The following SNTG2 variants were observed in gnomAD, a reference collection of about 807,000 sequenced individuals.
SNTG2 encodes syntrophin gamma 2.
SNTG2 carries 74 observed loss-of-function variants against 70.9 expected under a neutral mutation model. The observed-to-expected ratio is 1.04, with a 90% CI of 0.86 to 1.27. The LOEUF is 1.27. Ranked by LOEUF, SNTG2 falls within the 50% of genes most tolerant of loss-of-function variation. SNTG2 has a pLI of 0.00. For missense variants in SNTG2, 717 were observed against 690.7 expected (o/e 1.04, Z -0.43); for synonymous variants, 278 against 273.8 (o/e 1.02, Z -0.15).
At chr2:1,177,324 G>A (rs1233374238) in intron 8 of SNTG2, among the ~76,000 whole-genome samples, 2 of 152,036 alleles carry the variant, frequency 1.3e-5, no homozygotes, top group Non-Finnish European at 2.9e-5. Context: ...CCCGGCAAGG[G>A]GTGGGGGCCA....
rs35747708 is a variant in SNTG2, at chr2:1,361,909, G to A, written c.1489-5434G>A. ...AGCATTTCAGTAGAACTTCCATGAA[G>A]GTCACCAACGCTGAGCATTTCAGTA... On this transcript the variant is annotated intron_variant, in intron 16 of 16. Transcript: ENST00000308624. 1.8e-3 allele frequency among the ~76,000 whole-genome samples: 31 copies of A among 17,182 alleles called. No homozygotes were observed. In the East Asian group the frequency reaches 0.028, roughly 15 times the overall value. The allele number at this position is 17,182 out of a possible 152,430, so 11.3% of individuals were successfully genotyped here. A position where few individuals can be genotyped will look rare whatever the true frequency, so the allele number is the denominator to read the frequency against.
chr2:1,153,605 G>A (rs981962614), intron 6 of SNTG2, among the ~76,000 whole-genome samples: 3 of 152,206 alleles, frequency 2.0e-5, no homozygotes, highest in African/African-American at 7.2e-5. Context: ...ACTTGTCTAA[G>A]TGCATAGAGT....
At chr2:1,113,283 A>C (rs1342899276) in intron 4 of SNTG2, among the ~76,000 whole-genome samples, 1 of 151,732 alleles carries the variant, frequency 6.6e-6, no homozygotes, top group Admixed American at 6.6e-5. Flanking sequence ...CAGTCCTTTG[A>C]GAAGGATCGT....
chr2:1,260,825 G>A (rs1340263058), intron 13 of SNTG2, among the ~76,000 whole-genome samples: 1 of 151,790 alleles, frequency 6.6e-6, no homozygotes, highest in Non-Finnish European at 1.5e-5. Context: ...TCCTTCGCAT[G>A]GGCTCCTCAT....
At chr2:1,317,055 G>C (rs12994186) in intron 16 of SNTG2, among the ~76,000 whole-genome samples, 86 of 36,480 alleles carry the variant, frequency 2.4e-3, no homozygotes, top group East Asian at 2.8e-3. Flanking sequence ...TAGCATCAGG[G>C]CAGCATTGGA....
chr2:1,084,860 C>G (rs1664577318), intron 2 of SNTG2, among the ~76,000 whole-genome samples: 1 of 152,136 alleles, frequency 6.6e-6, no homozygotes, highest in Admixed American at 6.5e-5. Context: ...ATCTCTCCGC[C>G]AAGCTTTCGT....
At chr2:985,604 A>T (rs1299506241) in intron 1 of SNTG2, among the ~76,000 whole-genome samples, 1 of 152,178 alleles carries the variant, frequency 6.6e-6, no homozygotes, top group East Asian at 1.9e-4. Flanking sequence ...GATAATTTTC[A>T]GAGAGAAACA....
intron 1 of SNTG2, among the ~76,000 whole-genome samples, chr2:981,089 A>G (rs1479101761): frequency 6.6e-6 from 1 of 152,228 alleles, no homozygotes; most frequent in Non-Finnish European, 1.5e-5. Flanking sequence ...ACCACCCTCC[A>G]GCATGCTTCT....
chr2:1,057,164 A>G (rs982395297), intron 1 of SNTG2, among the ~76,000 whole-genome samples: 4 of 152,036 alleles, frequency 2.6e-5, no homozygotes, highest in Non-Finnish European at 5.9e-5. Context: ...TTACAACTGT[A>G]ATGTATTTAT....
chr2:1,324,951 A>G (rs553782091), intron 16 of SNTG2, among the ~76,000 whole-genome samples: 2 of 152,320 alleles, frequency 1.3e-5, no homozygotes, highest in South Asian at 2.1e-4. Flanking sequence ...CAAGTTCCCA[A>G]AATATCTTTA....
At chr2:1,028,365 C>T (rs905421568) in intron 1 of SNTG2, among the ~76,000 whole-genome samples, 9 of 152,230 alleles carry the variant, frequency 5.9e-5, no homozygotes, top group African/African-American at 9.6e-5. Context: ...GCACATCCTA[C>T]GCTTACTGAA....
chr2:1,152,147 G>GT (rs1270360884), intron 6 of SNTG2, among the ~76,000 whole-genome samples: 1 of 152,174 alleles, frequency 6.6e-6, no homozygotes, highest in Non-Finnish European at 1.5e-5. Flanking sequence ...TAATTAGATG[G>GT]TTACAGGCCA....
chr2:1,031,618 C>T (rs1660844494), intron 1 of SNTG2, among the ~76,000 whole-genome samples: 1 of 147,836 alleles, frequency 6.8e-6, no homozygotes, highest in Admixed American at 6.8e-5. Context: ...GCAACCTCCG[C>T]CTCCAGGGTT....
rs369145636 is a variant in SNTG2 at position 967,973 on chromosome 2, C to T, written c.72+16905C>T. ...CCAGGAGACGGAGGTTGCTGTGAGC[C>T]GAGATTGTGCCACTGCAATCCAGCT... On this transcript the variant is annotated intron_variant, in intron 1 of 16. Transcript: ENST00000308624. 1.5e-3 allele frequency among the ~76,000 whole-genome samples: 226 copies of T among 151,910 alleles called. 5 individuals carry two copies. The South Asian group carries it at 0.03, about 20-fold the overall frequency.
chr2:1,084,358 C>T (rs888723137), intron 2 of SNTG2, among the ~76,000 whole-genome samples: 7 of 152,184 alleles, frequency 4.6e-5, no homozygotes, highest in South Asian at 4.1e-4. Flanking sequence ...AAGATCCCAC[C>T]GTAAACCGTT....
At chr2:996,502 G>C (rs1661684386) in intron 1 of SNTG2, among the ~76,000 whole-genome samples, 1 of 151,948 alleles carries the variant, frequency 6.6e-6, no homozygotes, top group African/African-American at 2.4e-5. Flanking sequence ...AAGTGGGAAA[G>C]TAAAATGTAG....
intron 1 of SNTG2, among the ~76,000 whole-genome samples, chr2:1,023,138 A>T (rs1297445485): frequency 1.1e-4 from 16 of 147,042 alleles, no homozygotes; most frequent in Non-Finnish European, 2.4e-4. Context: ...AGATATTCAC[A>T]TAGGTTTTTT....
intron 12 of SNTG2, among the ~76,000 whole-genome samples, chr2:1,248,080 CT>C (rs2148133116): frequency 6.6e-6 from 1 of 152,274 alleles, no homozygotes; most frequent in East Asian, 1.9e-4. Context: ...CTTCAGGTAC[CT>C]ACACGTTTTG....
At chr2:991,236 A>G (rs1184991019) in intron 1 of SNTG2, among the ~76,000 whole-genome samples, 1 of 152,132 alleles carries the variant, frequency 6.6e-6, no homozygotes, top group Admixed American at 6.5e-5. Flanking sequence ...TCTATGTATT[A>G]ATGTCTAATG....
Sources: gnomAD v4.1 joint callset for allele counts (sites outside exome capture counted in the v4.1 genomes callset) on GRCh38, gnomAD v4.1.1 for gene constraint, MANE v1.5 for transcripts, NCBI Gene and HGNC (gene_info 2026-07-23, HGNC 2026-07-21) for gene names.